KIAA1217: variants seen among roughly 807,000 people sequenced by gnomAD.
KIAA1217 encodes the protein sickle tail protein homolog.
Under a neutral mutation model 163.9 loss-of-function variants are expected in KIAA1217, and 88 were observed. The observed-to-expected ratio is 0.54, with a 90% confidence interval of 0.45 to 0.64. The LOEUF (loss-of-function observed/expected upper bound fraction) is 0.64, where lower values mean the gene tolerates loss of function less well. Among genes scored for constraint, KIAA1217 ranks in the 30% least tolerant of loss-of-function variants. The pLI is 0.00. For missense variants in KIAA1217, 2,372 were observed against 2,475.0 expected (o/e 0.96, Z 0.88); for synonymous variants, 903 against 923.1 (o/e 0.98, Z 0.39).
At chr10:24,125,717 T>C (rs1049337461) in intron 2 of KIAA1217, among the ~76,000 whole-genome samples, 6 of 152,134 alleles carry the variant, frequency 3.9e-5, no homozygotes, top group South Asian at 4.2e-4. Flanking sequence ...ACAGTGAAAA[T>C]TGAGTCCATT....
chr10:24,209,082 A>G, upstream of KIAA1217: 1 of 838,372 alleles, frequency 1.2e-6, no homozygotes, highest in Non-Finnish European at 2.0e-6. Flanking sequence ...GGGGTTTCGC[A>G]CCGTCCCCTC....
At chr10:24,275,657 A>C in intron 2 of KIAA1217, 1 of 480,328 alleles carries the variant, frequency 2.1e-6, no homozygotes, top group Non-Finnish European at 4.3e-6. Flanking sequence ...TTTTTTTCTC[A>C]TTAAGCCTTT....
rs78271001 is a variant in KIAA1217 at position 24,096,415 on chromosome 10, G to T, written c.-171+89041G>T. On this transcript the variant is annotated intron_variant, in intron 2 of 18. Transcript: ENST00000376462. ...ACTCCTCCTCCTATTTAGTCACCCA[G>T]TAGGCTCTTATGCAAACCTCCTTCA... 4.1e-3 allele frequency among the ~76,000 whole-genome samples: 618 copies of T among 152,282 alleles called. 6 individuals are homozygous for T. The highest frequency in any genetic ancestry group is 0.014 in the African/African-American group (586 of 41,560).
At chr10:24,472,850 A>G (rs183090073) in intron 5 of KIAA1217, among the ~76,000 whole-genome samples, 3 of 152,092 alleles carry the variant, frequency 2.0e-5, no homozygotes, top group African/African-American at 7.2e-5. Flanking sequence ...AGTGGGATCC[A>G]TTTCCTCACC....
intron 16 of KIAA1217, among the ~76,000 whole-genome samples, chr10:24,534,881 CAAAAAAAA>C (rs71506838): frequency 1.4e-5 from 1 of 71,840 alleles, no homozygotes; most frequent in African/African-American, 5.6e-5. Context: ...AACTCTGTCT[CAAAAAAAA>C]AAAAAAAAAA....
intron 1 of KIAA1217, among the ~76,000 whole-genome samples, chr10:23,803,328 G>A (rs978410920): frequency 6.6e-6 from 1 of 152,192 alleles, no homozygotes; most frequent in African/African-American, 2.4e-5. Flanking sequence ...GATGGCTCAT[G>A]ACTGAGTCCA....
intron 2 of KIAA1217, among the ~76,000 whole-genome samples, chr10:24,200,302 G>A (rs527390390): frequency 6.6e-5 from 10 of 151,334 alleles, no homozygotes; most frequent in Admixed American, 2.0e-4. Context: ...TCAAACTCCC[G>A]GGCTTCCGGC....
intron 2 of KIAA1217, among the ~76,000 whole-genome samples, chr10:24,191,262 G>T (rs1564809564): frequency 6.6e-6 from 1 of 152,056 alleles, no homozygotes; most frequent in African/African-American, 2.4e-5. Flanking sequence ...TATTTAATGT[G>T]ATTTAAAGAC....
intron 3 of KIAA1217, among the ~76,000 whole-genome samples, chr10:24,404,350 C>T (rs1226188666): frequency 6.6e-6 from 1 of 152,050 alleles, no homozygotes; most frequent in Non-Finnish European, 1.5e-5. Flanking sequence ...GGGCACATCA[C>T]AAGGTCGGGA....
At chr10:24,201,217 G>A (rs2067240066) in intron 2 of KIAA1217, among the ~76,000 whole-genome samples, 1 of 152,158 alleles carries the variant, frequency 6.6e-6, no homozygotes, top group South Asian at 2.1e-4. Context: ...GTTGCAGTGA[G>A]CCAAGTTCCC....
chr10:23,870,228 G>A (rs1840393355), intron 1 of KIAA1217, among the ~76,000 whole-genome samples: 1 of 152,104 alleles, frequency 6.6e-6, no homozygotes, highest in Non-Finnish European at 1.5e-5. Flanking sequence ...CCAGAGTGAA[G>A]CCACTGAGGG....
chr10:24,417,803 C>T (rs1314579609), intron 3 of KIAA1217, among the ~76,000 whole-genome samples: 1 of 151,942 alleles, frequency 6.6e-6, no homozygotes, highest in Non-Finnish European at 1.5e-5. Context: ...GAAATGGAAT[C>T]CCACAGCCAC....
intron 1 of KIAA1217, among the ~76,000 whole-genome samples, chr10:23,805,359 G>A (rs142565713): frequency 1.8e-3 from 267 of 152,224 alleles, no homozygotes; most frequent in African/African-American, 6.2e-3. Context: ...AAAAGAATAC[G>A]ATCATGTCCT....
At chr10:24,126,902 A>C (rs1258269798) in intron 2 of KIAA1217, among the ~76,000 whole-genome samples, 1 of 152,084 alleles carries the variant, frequency 6.6e-6, no homozygotes, top group Non-Finnish European at 1.5e-5. Context: ...GATCAATATC[A>C]GTTTGTATCT....
At chr10:23,959,000 G>T (rs114924067) in intron 1 of KIAA1217, among the ~76,000 whole-genome samples, 2,356 of 149,770 alleles carry the variant, frequency 0.016, 65 homozygotes, top group African/African-American at 0.055. Context: ...TGTGCTCTGT[G>T]CCAGCCACGC....
At chr10:23,922,787 T>C (rs1221855325) in intron 1 of KIAA1217, among the ~76,000 whole-genome samples, 1 of 152,040 alleles carries the variant, frequency 6.6e-6, no homozygotes, top group Non-Finnish European at 1.5e-5. Context: ...TGACAGAAAA[T>C]GTTGCTAAGG....
intron 1 of KIAA1217, among the ~76,000 whole-genome samples, chr10:23,958,776 G>A (rs889727082): frequency 4.6e-5 from 7 of 152,120 alleles, no homozygotes; most frequent in South Asian, 2.1e-4. Context: ...CATACCATGC[G>A]AAAGCTGATT....
intron 1 of KIAA1217, among the ~76,000 whole-genome samples, chr10:23,852,952 C>T (rs1445149150): frequency 6.6e-6 from 1 of 152,104 alleles, no homozygotes; most frequent in African/African-American, 2.4e-5. Flanking sequence ...AAGCATGTCA[C>T]CTGCAAACAG....
intron 1 of KIAA1217, among the ~76,000 whole-genome samples, chr10:23,749,102 C>G (rs994679222): frequency 6.6e-6 from 1 of 152,156 alleles, no homozygotes; most frequent in Admixed American, 6.5e-5. Flanking sequence ...AAAATGTTCT[C>G]TACACCACTG....
Sources: allele counts gnomAD v4.1 joint callset (sites outside exome capture counted in the v4.1 genomes callset), GRCh38; gene constraint gnomAD v4.1.1; transcripts MANE v1.5; gene names NCBI Gene and HGNC (gene_info 2026-07-23, HGNC 2026-07-21).